Variants in GALNT13 observed in about 807,000 individuals in gnomAD.
The protein encoded by GALNT13 is UDP-GalNAc:polypeptide N-acetylgalactosaminyltransferase 13.
A neutral mutation model predicts 64.2 loss-of-function variants in GALNT13; 28 were observed. That is an observed-to-expected ratio of 0.44 (90% confidence interval 0.32 to 0.60). GALNT13 has a LOEUF of 0.60. Among genes scored for constraint, GALNT13 ranks in the 20% least tolerant of loss-of-function variants. The pLI, the probability that GALNT13 is intolerant of heterozygous loss-of-function variation, is 0.05. For synonymous variants in GALNT13, 214 were observed against 224.6 expected (o/e 0.95, Z 0.42); for missense variants, 577 against 669.8 (o/e 0.86, Z 1.53).
the GALNT13 span, among the ~76,000 whole-genome samples, chr2:153,510,033 G>C: frequency 6.6e-6 from 1 of 152,190 alleles, no homozygotes; most frequent in Non-Finnish European, 1.5e-5. Flanking sequence ...ACCAGGACTT[G>C]TCTTAAAGGA....
the GALNT13 span, among the ~76,000 whole-genome samples, chr2:153,430,056 T>G: frequency 6.6e-6 from 1 of 152,166 alleles, no homozygotes; most frequent in East Asian, 1.9e-4. Context: ...GGGAACTGTG[T>G]GAATCATTAT....
chr2:153,860,740 A>T, the GALNT13 span, among the ~76,000 whole-genome samples: 1 of 152,128 alleles, frequency 6.6e-6, no homozygotes, highest in Non-Finnish European at 1.5e-5. Flanking sequence ...ACTCCATTCT[A>T]TCTATTAGGG....
At chr2:154,395,583 G>T (rs1699018088) in intron 9 of GALNT13, among the ~76,000 whole-genome samples, 1 of 152,112 alleles carries the variant, frequency 6.6e-6, no homozygotes, top group Non-Finnish European at 1.5e-5. Flanking sequence ...TCTACAGGTG[G>T]TGAATAAGTG....
chr2:153,678,689 GAA>G, the GALNT13 span, among the ~76,000 whole-genome samples: 82 of 151,930 alleles, frequency 5.4e-4, no homozygotes, highest in African/African-American at 1.9e-3. Flanking sequence ...GGAAAGGGGG[GAA>G]AAAAAGTAGG....
At chr2:154,442,734 A>T (rs1231133278) in intron 12 of GALNT13, among the ~76,000 whole-genome samples, 1 of 152,082 alleles carries the variant, frequency 6.6e-6, no homozygotes, top group African/African-American at 2.4e-5. Context: ...TGTGCACATA[A>T]TTACATTTCT....
At chr2:153,160,462 T>C in the GALNT13 span, among the ~76,000 whole-genome samples, 1 of 152,328 alleles carries the variant, frequency 6.6e-6, no homozygotes, top group Admixed American at 6.5e-5. Context: ...CTTTCTGCTT[T>C]GCATCTTTGT....
At chr2:153,786,960 AC>A in the GALNT13 span, among the ~76,000 whole-genome samples, 3 of 152,084 alleles carry the variant, frequency 2.0e-5, no homozygotes, top group South Asian at 6.2e-4. Context: ...ACAGCACAGG[AC>A]CCCCATCTTG....
chr2:153,553,687 A>G, the GALNT13 span, among the ~76,000 whole-genome samples: 3 of 152,356 alleles, frequency 2.0e-5, no homozygotes, highest in Admixed American at 6.5e-5. Context: ...GAAAAGGTCT[A>G]GAAATGGTGA....
At chr2:153,592,470 T>G in the GALNT13 span, among the ~76,000 whole-genome samples, 1 of 152,156 alleles carries the variant, frequency 6.6e-6, no homozygotes, top group African/African-American at 2.4e-5. Context: ...TATGATTTGA[T>G]AAAGAAAATG....
the GALNT13 span, among the ~76,000 whole-genome samples, chr2:153,459,567 A>C: frequency 2.7e-4 from 41 of 152,318 alleles, no homozygotes; most frequent in South Asian, 1.2e-3. Context: ...GACAGAGCAA[A>C]ATCTGACAAA....
the GALNT13 span, among the ~76,000 whole-genome samples, chr2:153,407,016 A>G: frequency 3.3e-5 from 5 of 152,268 alleles, no homozygotes; most frequent in Middle Eastern, 6.8e-3. Context: ...TATCTTAAAT[A>G]TTAAGAACAA....
the GALNT13 span, among the ~76,000 whole-genome samples, chr2:153,265,657 A>G: frequency 6.6e-6 from 1 of 152,084 alleles, no homozygotes; most frequent in African/African-American, 2.4e-5. Flanking sequence ...CTGATTTTTG[A>G]TTGTGATGAA....
chr2:153,768,318 AGT>A, the GALNT13 span, among the ~76,000 whole-genome samples: 1 of 152,206 alleles, frequency 6.6e-6, no homozygotes, highest in East Asian at 1.9e-4. Context: ...TTTGCTCTAT[AGT>A]CCAGTTTACA....
At chr2:153,259,726 C>A in the GALNT13 span, among the ~76,000 whole-genome samples, 2 of 152,202 alleles carry the variant, frequency 1.3e-5, no homozygotes, top group Admixed American at 6.5e-5. Context: ...GAGGCCTCCC[C>A]AGCCATGTGG....
At chr2:153,082,803 A>T in the GALNT13 span, among the ~76,000 whole-genome samples, 2 of 146,382 alleles carry the variant, frequency 1.4e-5, no homozygotes, top group African/African-American at 5.0e-5. Flanking sequence ...TATATTATTT[A>T]TTGAATAAAT....
At chr2:153,761,773 G>GGTCACCCA in the GALNT13 span, 1 of 153,292 alleles carries the variant, frequency 6.5e-6, no homozygotes, top group African/African-American at 2.4e-5. Context: ...AATGTGACCT[G>GGTCACCCA]GGTGAGAGGT....
the GALNT13 span, among the ~76,000 whole-genome samples, chr2:153,804,636 T>C: frequency 5.5e-4 from 84 of 152,172 alleles, no homozygotes; most frequent in Non-Finnish European, 1.2e-4. Flanking sequence ...TTTTACCTGT[T>C]TAACTATTTT....
At chr2:153,798,313 C>A in the GALNT13 span, among the ~76,000 whole-genome samples, 9 of 152,030 alleles carry the variant, frequency 5.9e-5, no homozygotes, top group African/African-American at 1.4e-4. Context: ...AATATTTGAA[C>A]AATTTTTACT....
the GALNT13 span, among the ~76,000 whole-genome samples, chr2:153,612,690 G>A: frequency 6.6e-6 from 1 of 151,976 alleles, no homozygotes; most frequent in Non-Finnish European, 1.5e-5. Context: ...TTTGACATCT[G>A]CGAAATTAAG....
Sources: gnomAD v4.1 joint callset for allele counts (sites outside exome capture counted in the v4.1 genomes callset) on GRCh38, gnomAD v4.1.1 for gene constraint, MANE v1.5 for transcripts, NCBI Gene and HGNC (gene_info 2026-07-23, HGNC 2026-07-21) for gene names.